Variants in SETD1B observed in about 807,000 individuals in gnomAD.
SETD1B encodes the protein histone-lysine N-methyltransferase SETD1B.
A neutral mutation model predicts 148.0 loss-of-function variants in SETD1B; 7 were observed. The ratio of observed to expected loss-of-function variants is 0.05; its 90% CI spans 0.03 to 0.09. SETD1B has a LOEUF of 0.09. Ranked by LOEUF, SETD1B falls within the 10% of genes least tolerant of loss-of-function variation. The probability of loss-of-function intolerance (pLI) is 1.00; values close to 1 mark genes in which losing one functional copy is unlikely to be tolerated. For missense variants in SETD1B, 2,155 were observed against 2,729.9 expected (o/e 0.79, Z 4.69); for synonymous variants, 1,361 against 1,186.5 (o/e 1.15, Z -3.02).
the SETD1B span, among the ~76,000 whole-genome samples, chr12:121,798,664 C>T: frequency 2.2e-4 from 34 of 152,364 alleles, no homozygotes; most frequent in African/African-American, 7.7e-4. Context: ...CCTTGTTAAT[C>T]CGAACAGGCC....
chr12:121,814,471 G>A lies in SETD1B; in HGVS notation c.2256G>A (p.Leu752=), dbSNP rs1267745418. The change falls in exon 7 of 17, where the codon CTG becomes CTA. Residue 752 remains leucine (L), a synonymous_variant. Transcript: ENST00000604567. ...LPPLPPFPPG[L]FPVMQVDMSH... ...CACTGCCCCCCTTTCCGCCGGGCCT[G>A]TTCCCTGTGATGCAGGTGGACATGA... 6.9e-7 allele frequency: 1 copy of A among 1,454,232 alleles called. No homozygotes were observed. Among genetic ancestry groups the A allele is most frequent in the Admixed American group, 2.7e-5 (1 of 36,768 alleles). The allele number at this position is 1,454,232 out of a possible 1,614,324, so 90.1% of individuals were successfully genotyped here. A position where few individuals can be genotyped will look rare whatever the true frequency, so the allele number is the denominator to read the frequency against.
In SETD1B at chr12:121,828,086, G is replaced by C. The variant is rs1456470276; in HGVS notation, c.5727+16G>C. The C allele has an allele frequency of 6.4e-7, 1 of 1,551,302 alleles. No homozygotes were observed. The highest frequency in any genetic ancestry group is 8.7e-7 in the Non-Finnish European group (1 of 1,146,874). On this transcript the variant is annotated intron_variant, in intron 16 of 16. Transcript: ENST00000604567. ...CAGCTGCAACGTGAGTGCCCAGCGG[G>C]GGGTGGCCCCTGCCCCTGCTCCTGC...
rs1174528250 is a variant in SETD1B at position 121,832,133 on chromosome 12, A to C, written c.*1894A>C. 1 of 152,226 alleles carries C rather than the reference A, an allele frequency of 6.6e-6. No homozygotes were observed. The highest frequency in any genetic ancestry group is 2.4e-5 in the African/African-American group (1 of 41,454). The allele number at this position is 152,226 out of a possible 1,614,324, so 9.4% of individuals were successfully genotyped here. On this transcript the variant is annotated 3_prime_UTR_variant, in exon 17 of 17. Transcript: ENST00000604567. ...GATTCAAGTTACATGTACAGCCTCC[A>C]AAGGGCTGTCTCCATTCTGTCCCCT...
rs1173929233 is a variant in SETD1B, at chr12:121,831,274, C to T, written c.*1035C>T. On this transcript the variant is annotated 3_prime_UTR_variant, in exon 17 of 17. Coordinates refer to ENST00000604567, the MANE Select transcript of SETD1B (RefSeq NM_001353345.2). ...CCCCCAACCCACACCCCACATCCCC[C>T]TGCCGGCAGCCCCTCAACCTAAGAA... 1 of 152,150 alleles carries T rather than the reference C, an allele frequency of 6.6e-6. No individual in the cohort carries two copies. The highest frequency in any genetic ancestry group is 1.9e-4 in the East Asian group (1 of 5,184). 9.4% of individuals were successfully genotyped at this position (152,150 alleles called of 1,614,324 possible).
chr12:121,813,714 C>T (rs534654832), intron 6 of SETD1B, among the ~76,000 whole-genome samples: 4 of 152,288 alleles, frequency 2.6e-5, no homozygotes, highest in East Asian at 1.9e-4. Flanking sequence ...GTGCCCCACC[C>T]GTCTCCCTGC....
At chr12:121,798,395 T>A in the SETD1B span, among the ~76,000 whole-genome samples, 2 of 151,896 alleles carry the variant, frequency 1.3e-5, no homozygotes, top group Non-Finnish European at 2.9e-5. Context: ...GGTGGGCTGG[T>A]GCGGGGGGAA....
At chr12:121,820,285 C>T (rs994783542) in intron 11 of SETD1B, among the ~76,000 whole-genome samples, 2 of 152,178 alleles carry the variant, frequency 1.3e-5, no homozygotes, top group Admixed American at 6.5e-5. Context: ...GGCATTGCCC[C>T]CTCCGGCATC....
chr12:121,817,857 C>G lies in SETD1B; in HGVS notation c.3371C>G (p.Thr1124Arg). The change falls in exon 10 of 17, where the codon ACA becomes AGA. Residue 1124 changes from threonine to arginine, a missense_variant. Thr to Arg is a moderately conservative substitution (Grantham distance 71). Around this residue, in one of 11 missense-constraint regions of SETD1B, gnomAD observed 862 missense variants for 873.8 expected, o/e 0.99. Transcript: ENST00000604567. This position sits in a 1 kb window ranked among gnomAD's most constrained non-coding sequence, Gnocchi z 8.1. Reference sequence around the variant, plus strand: ...GAGTCTGAGAACGATGACGAGGACACAGCCCTGTCAGAGGCGAGTGAGAAG... The same window carrying G: ...GAGTCTGAGAACGATGACGAGGACAGAGCCCTGTCAGAGGCGAGTGAGAAG... ...RDESENDDED[T>R]ALSEASEKDE... 1 of 1,551,068 alleles carries G rather than the reference C, an allele frequency of 6.4e-7. No homozygotes were observed. Among genetic ancestry groups the G allele is most frequent in the Admixed American group, 2.0e-5 (1 of 50,900 alleles).
rs74482265 is a variant in SETD1B at position 121,830,244 on chromosome 12, C to T, written c.*5C>T. 2.2e-3 allele frequency: 3,345 copies of T among 1,548,830 alleles called. 52 individuals carry two copies. The African/African-American group carries it at 0.04, about 19-fold the overall frequency. Reference sequence around the variant, plus strand: ...TGCCGGGGGACCCTCAACTAGGCCCCGGCACCAGACTCAAAGGATGTCAGC... The same window carrying T: ...TGCCGGGGGACCCTCAACTAGGCCCTGGCACCAGACTCAAAGGATGTCAGC... On this transcript the variant is annotated 3_prime_UTR_variant, in exon 17 of 17. Coordinates refer to ENST00000604567, the MANE Select transcript of SETD1B (RefSeq NM_001353345.2). The surrounding 1 kb of genome is among the most constrained non-coding windows in gnomAD (Gnocchi z 5.7).
At chr12:121,800,505 G>C (rs1875285873), upstream of SETD1B, 1 of 151,916 alleles carries the variant, frequency 6.6e-6, no homozygotes, top group Non-Finnish European at 1.5e-5. Flanking sequence ...GGTGGGACCC[G>C]GGGCGGCCTC....
At chr12:121,801,039 C>A (rs1030285154), upstream of SETD1B, 1 of 152,190 alleles carries the variant, frequency 6.6e-6, no homozygotes, top group African/African-American at 2.4e-5. Context: ...GGAGGAGGAG[C>A]GAGCGCGGCC....
In SETD1B at chr12:121,810,576, C is replaced by G; in HGVS notation, c.1631C>G (p.Ala544Gly). Residue 544 changes from alanine (A) to glycine (G), a missense_variant, in exon 6 of 17, where the codon GCC (alanine) becomes GGC (glycine). Around this residue, in one of 11 missense-constraint regions of SETD1B, gnomAD observed 295 missense variants for 303.8 expected, o/e 0.97. Transcript: ENST00000604567. The surrounding 1 kb of genome is among the most constrained non-coding windows in gnomAD (Gnocchi z 7.6). ...SSSSSQLSPL[A>G]PFGTNSQPGF... ...TCCTCCTCCCAGCTCTCCCCACTGG[C>G]CCCCTTTGGCACCAACTCCCAGCCA... 1 of 1,548,262 alleles carries G rather than the reference C, an allele frequency of 6.5e-7. No individual in the cohort carries two copies. The highest frequency in any genetic ancestry group is 2.4e-5 in the East Asian group (1 of 40,910).
chr12:121,791,643 C>CA, the SETD1B span, among the ~76,000 whole-genome samples: 4 of 152,218 alleles, frequency 2.6e-5, no homozygotes, highest in Non-Finnish European at 5.9e-5. Flanking sequence ...CTCCACAACT[C>CA]AATCTACTCT....
chr12:121,828,094 C>G (rs1051876851), intron 16 of SETD1B, 24 bp downstream of exon 16: 2 of 1,550,118 alleles, frequency 1.3e-6, no homozygotes, highest in Non-Finnish European at 8.7e-7. Flanking sequence ...GGGGGGTGGC[C>G]CCTGCCCCTG....
intron 13 of SETD1B, 79 bp downstream of exon 13, chr12:121,825,445 A>C: frequency 1.7e-6 from 2 of 1,159,702 alleles, no homozygotes; most frequent in Non-Finnish European, 2.3e-6. Flanking sequence ...GAGGGGTGCC[A>C]GGCAGAGGGA....
At chr12:121,797,483 G>C in the SETD1B span, 1 of 456,472 alleles carries the variant, frequency 2.2e-6, no homozygotes, top group Non-Finnish European at 4.4e-6. Flanking sequence ...GGGGGACAAA[G>C]AAAGAAGAGG....
Position 121,804,757 on chromosome 12 carries a change from CCCACCACCA to C in SETD1B, c.27_35del (p.His9_His11del). The stretch of plus-strand genomic sequence containing the variant: ...AACGGCATGGAGAACAGTCACCCCC[CCCACCACCA>C]CCACCAGCAGCCCCCGCCGCAGCCC... On this transcript the variant is annotated inframe_deletion, in exon 2 of 17. Coordinates refer to ENST00000604567, the MANE Select transcript of SETD1B (RefSeq NM_001353345.2). This position sits in a 1 kb window ranked among gnomAD's most constrained non-coding sequence, Gnocchi z 4.6. 6.5e-7 allele frequency: 1 copy of C among 1,549,756 alleles called. No homozygotes were observed. The highest frequency in any genetic ancestry group is 8.7e-7 in the Non-Finnish European group (1 of 1,146,198).
chr12:121,816,845 A>G (rs1293510637), intron 7 of SETD1B, among the ~76,000 whole-genome samples, 188 bp from the exon 8 acceptor site: 1 of 152,232 alleles, frequency 6.6e-6, no homozygotes, highest in South Asian at 2.1e-4. Flanking sequence ...ATTGAGATCT[A>G]TGAGGCAGAG....
the SETD1B span, chr12:121,797,370 C>A: frequency 9.1e-6 from 4 of 441,760 alleles, no homozygotes; most frequent in South Asian, 4.8e-5. Context: ...CCCCGCCCCG[C>A]GTTCGCTGGG....
Sources: allele counts gnomAD v4.1 joint callset (sites outside exome capture counted in the v4.1 genomes callset), GRCh38; gene constraint gnomAD v4.1.1; regional missense constraint gnomAD v4.1.1; non-coding constraint Gnocchi (gnomAD v3.1); transcripts MANE v1.5; gene names NCBI Gene and HGNC (gene_info 2026-07-23, HGNC 2026-07-21).